RAD23B: variants seen among roughly 807,000 people sequenced by gnomAD.
RAD23B encodes the protein RAD23 nucleotide excision repair protein B.
RAD23B carries 5 observed loss-of-function variants against 49.1 expected under a neutral mutation model. That is an observed-to-expected ratio of 0.10 (90% CI 0.05 to 0.21). The LOEUF is 0.21. RAD23B is among the 10% of genes least tolerant of loss of function. RAD23B has a pLI of 1.00. For synonymous variants in RAD23B, 184 were observed against 165.4 expected, an observed-to-expected ratio of 1.11 and a Z score of -0.86; for missense variants, 356 against 486.7, an observed-to-expected ratio of 0.73 and a Z score of 2.53.
At position 107,330,676 on chromosome 9, in the gene RAD23B, GTTTC is replaced by G. The variant is rs55713214; in HGVS notation, c.*1024_*1027del. ...CTGGGTTTCTGATATTTGTAAATGT[GTTTC>G]TTTATTAGATAAGAGTGTATTACCA... On this transcript the variant is annotated 3_prime_UTR_variant, in exon 10 of 10. Transcript: ENST00000358015. This position sits in a 1 kb window ranked among gnomAD's most constrained non-coding sequence, Gnocchi z 4.4. The G allele has an allele frequency of 3.3e-5, 5 of 152,606 alleles. No homozygotes were observed. Among genetic ancestry groups the G allele is most frequent in the African/African-American group, 7.2e-5 (3 of 41,438 alleles). The allele number at this position is 152,606 out of a possible 1,614,324, so 9.5% of individuals were successfully genotyped here.
At chr9:107,307,499 GT>G (rs1404218993) in intron 4 of RAD23B, among the ~76,000 whole-genome samples, 2 of 152,188 alleles carry the variant, frequency 1.3e-5, no homozygotes, top group Non-Finnish European at 2.9e-5. Context: ...CACTACAGCT[GT>G]TTGTATTTTG....
At chr9:107,308,311 C>G (rs574709348) in intron 4 of RAD23B, among the ~76,000 whole-genome samples, 1 of 151,626 alleles carries the variant, frequency 6.6e-6, no homozygotes, top group South Asian at 2.1e-4. Context: ...CTCCACCTCC[C>G]GGGTTCAAGC....
At chr9:107,313,881 TCCTCTG>T (rs1826938909) in intron 5 of RAD23B, among the ~76,000 whole-genome samples, 1 of 145,696 alleles carries the variant, frequency 6.9e-6, no homozygotes, top group African/African-American at 2.8e-5. Context: ...TTCTCCTCTC[TCCTCTG>T]TCCTCTCTCC....
chr9:107,313,372 C>A lies in RAD23B; in HGVS notation c.553+1635C>A, dbSNP rs577060317. On this transcript the variant is annotated intron_variant, in intron 5 of 9. Coordinates refer to ENST00000358015, the MANE Select transcript of RAD23B (RefSeq NM_002874.5). ...TCCTGAGTAGCTGGGATTACAGGCACGTGCCACCACGCCCGACTAATTTTG... is the reference window on the plus strand; with the variant it reads ...TCCTGAGTAGCTGGGATTACAGGCAAGTGCCACCACGCCCGACTAATTTTG... Among the ~76,000 whole-genome samples the A allele has an allele frequency of 3.3e-5, 5 of 152,142 alleles. No individual in the cohort carries two copies. The South Asian group carries it at 1.0e-3, about 32-fold the overall frequency.
rs796324218 is a variant in RAD23B, at chr9:107,329,952, C to CT, written c.*301dup. 1 of 188,886 alleles carries CT rather than the reference C, an allele frequency of 5.3e-6. No individual in the cohort carries two copies. The highest frequency in any genetic ancestry group is 6.0e-5 in the Admixed American group (1 of 16,592). The allele number at this position is 188,886 out of a possible 1,614,324, so 11.7% of individuals were successfully genotyped here. On this transcript the variant is annotated 3_prime_UTR_variant, in exon 10 of 10. Coordinates refer to ENST00000358015, the MANE Select transcript of RAD23B (RefSeq NM_002874.5). ...TAGGTAACTTTTCCTAGGTTTCACT[C>CT]TTTTTAGTGTACTAGATCCAGAAAC...
chr9:107,285,202 G>A (rs981065631), intron 1 of RAD23B, among the ~76,000 whole-genome samples: 1 of 152,182 alleles, frequency 6.6e-6, no homozygotes, highest in East Asian at 1.9e-4. Flanking sequence ...ATACCCTGTG[G>A]ACTGACAGTA....
Position 107,300,238 on chromosome 9 carries a change from T to G in RAD23B, c.148+16T>G, listed in dbSNP as rs766552200. The G allele has an allele frequency of 4.4e-6, 7 of 1,592,916 alleles. No individual in the cohort carries two copies. Among genetic ancestry groups the G allele is most frequent in the Non-Finnish European group, 6.0e-6 (7 of 1,171,050 alleles). ...ATTTATGCAGGTATGAATTAAATAT[T>G]AAAATTAACATGCCATGTCTTGATA... On this transcript the variant is annotated intron_variant, in intron 2 of 9. Coordinates refer to ENST00000358015, the MANE Select transcript of RAD23B (RefSeq NM_002874.5).
rs1411468723 is a variant in RAD23B at position 107,331,353 on chromosome 9, A to G, written c.*1697A>G. ...CCCCGTCTATACTAAAAATACAAAA[A>G]ATAGCCAGGCATGGTGGCGCACGCC... On this transcript the variant is annotated 3_prime_UTR_variant, in exon 10 of 10. Coordinates refer to ENST00000358015, the MANE Select transcript of RAD23B (RefSeq NM_002874.5). 4.5e-6 allele frequency: 1 copy of G among 223,184 alleles called. No individual in the cohort carries two copies. The highest frequency in any genetic ancestry group is 8.8e-6 in the Non-Finnish European group (1 of 114,026). The allele number at this position is 223,184 out of a possible 1,614,324, so 13.8% of individuals were successfully genotyped here.
chr9:107,283,567 A>G lies in RAD23B; in HGVS notation c.-63A>G. 3 of 1,380,872 alleles carry G rather than the reference A, an allele frequency of 2.2e-6. No homozygotes were observed. The highest frequency in any genetic ancestry group is 3.2e-5 in the East Asian group (1 of 31,630). 85.5% of individuals were successfully genotyped at this position (1,380,872 alleles called of 1,614,324 possible). ...GGCGACCCCGGGGCCCCGCCAGGCC[A>G]CAGACCCCGCCCAGCGGCCAGCACC... On this transcript the variant is annotated 5_prime_UTR_variant, in exon 1 of 10. Coordinates refer to ENST00000358015, the MANE Select transcript of RAD23B (RefSeq NM_002874.5).
At chr9:107,326,394 T>C (rs1827202447) in intron 9 of RAD23B, among the ~76,000 whole-genome samples, 1 of 147,002 alleles carries the variant, frequency 6.8e-6, no homozygotes. Flanking sequence ...GGCAGGAGAA[T>C]GGCGTGAACC....
At chr9:107,325,186 T>G in intron 9 of RAD23B, 182 bp downstream of exon 9, 1 of 439,072 alleles carries the variant, frequency 2.3e-6, no homozygotes, top group Non-Finnish European at 4.1e-6. Context: ...TGGTGGCACA[T>G]ACCTGTAATC....
intron 7 of RAD23B, 47 bp from the exon 8 acceptor site, chr9:107,323,843 T>A: frequency 6.6e-7 from 1 of 1,515,952 alleles, no homozygotes; most frequent in Non-Finnish European, 9.1e-7. Context: ...CCACTGTTTG[T>A]GTATGTATTT....
At chr9:107,296,509 A>G (rs1396703377) in intron 1 of RAD23B, among the ~76,000 whole-genome samples, 3 of 151,562 alleles carry the variant, frequency 2.0e-5, no homozygotes, top group African/African-American at 7.3e-5. Flanking sequence ...TGCCTGCCCA[A>G]TCATTTGTCC....
chr9:107,323,584 C>G (rs1054054985), intron 7 of RAD23B, among the ~76,000 whole-genome samples: 1 of 152,146 alleles, frequency 6.6e-6, no homozygotes, highest in East Asian at 1.9e-4. Context: ...ATAGAACACA[C>G]ACAGGAGACA....
At chr9:107,316,113 A>G (rs1826989183) in intron 5 of RAD23B, among the ~76,000 whole-genome samples, 1 of 151,516 alleles carries the variant, frequency 6.6e-6, no homozygotes, top group South Asian at 2.1e-4. Flanking sequence ...GGGTTCAAGC[A>G]ATTCTCCTGC....
intron 1 of RAD23B, among the ~76,000 whole-genome samples, chr9:107,297,113 A>G (rs1372405379): frequency 1.3e-5 from 2 of 151,022 alleles, no homozygotes; most frequent in Non-Finnish European, 2.9e-5. Context: ...TGGCCTCCCA[A>G]AGTGCTGGGA....
chr9:107,293,126 G>A (rs1269473337), intron 1 of RAD23B, among the ~76,000 whole-genome samples: 1 of 150,620 alleles, frequency 6.6e-6, no homozygotes, highest in African/African-American at 2.5e-5. Flanking sequence ...ATTGACTGGA[G>A]GCCTCAGATC....
At position 107,324,724 on chromosome 9, in the gene RAD23B, T is replaced by TA. The variant is rs530340009; in HGVS notation, c.946-109dup. 3.0e-4 allele frequency: 336 copies of TA among 1,108,254 alleles called. No homozygotes were observed. In the African/African-American group the frequency reaches 4.8e-3, roughly 16 times the overall value. 68.7% of individuals were successfully genotyped at this position (1,108,254 alleles called of 1,614,324 possible). Reference sequence around the variant, plus strand: ...ACTGAATAATCCAGAATCACTAAATTACGTTTGCAAAAGTGTAGCCTTTTC... The same window carrying TA: ...ACTGAATAATCCAGAATCACTAAATTAACGTTTGCAAAAGTGTAGCCTTTTC... On this transcript the variant is annotated intron_variant, in intron 8 of 9. Transcript: ENST00000358015.
At chr9:107,290,875 A>G (rs1833370691) in intron 1 of RAD23B, among the ~76,000 whole-genome samples, 1 of 152,232 alleles carries the variant, frequency 6.6e-6, no homozygotes, top group South Asian at 2.1e-4. Context: ...TCCTGCCGCG[A>G]TAGATGCCGT....
Sources: allele counts gnomAD v4.1 joint callset (sites outside exome capture counted in the v4.1 genomes callset), GRCh38; gene constraint gnomAD v4.1.1; non-coding constraint Gnocchi (gnomAD v3.1); transcripts MANE v1.5; gene names NCBI Gene and HGNC (gene_info 2026-07-23, HGNC 2026-07-21).